Variants in CCNF observed in about 807,000 individuals in gnomAD.
The protein encoded by CCNF is cyclin F, also known as cyclin-F.
In CCNF, 30 loss-of-function variants were observed where a neutral mutation model predicts 85.4. The ratio of observed to expected loss-of-function variants is 0.35; its 90% CI spans 0.26 to 0.48. The LOEUF is 0.48. CCNF is among the 20% of genes least tolerant of loss of function. The pLI is 0.99. For synonymous variants in CCNF, 439 were observed against 425.1 expected (o/e 1.03, Z -0.40); for missense variants, 919 against 1,010.4 (o/e 0.91, Z 1.23).
In CCNF at chr16:2,456,766, T is replaced by C; in HGVS notation, c.2107T>C (p.Ser703Pro). The C allele has an allele frequency of 6.2e-7, 1 of 1,613,136 alleles. No homozygotes were observed. The highest frequency in any genetic ancestry group is 8.5e-7 in the Non-Finnish European group (1 of 1,179,516). Residue 703 changes from serine (S) to proline (P), a missense_variant, in exon 17 of 17, where the codon TCC (serine) becomes CCC (proline). Ser to Pro is a moderately conservative substitution (Grantham distance 74, BLOSUM62 -1). Transcript: ENST00000397066. The surrounding 1 kb of genome is among the most constrained non-coding windows in gnomAD (Gnocchi z 4.5). ...PGKDVTTSGY[S>P]SVSTASPTSS... is the part of the protein sequence containing the mutation. ...GAAGGACGTCACGACCTCAGGGTAC[T>C]CCTCCGTCAGCACCGCAAGTCCCAC...
chr16:2,442,864 TTA>T (rs1336638347), intron 8 of CCNF, among the ~76,000 whole-genome samples: 6 of 42,728 alleles, frequency 1.4e-4, no homozygotes, highest in South Asian at 8.1e-4. Context: ...ATATATTATA[TTA>T]TATATATTAT....
intron 6 of CCNF, among the ~76,000 whole-genome samples, chr16:2,438,849 T>C (rs1157427869): frequency 1.3e-5 from 2 of 151,158 alleles, no homozygotes; most frequent in African/African-American, 2.4e-5. Flanking sequence ...AACACAAAAA[T>C]TAGCCGGGCA....
chr16:2,455,160 G>T (rs1326002017), intron 15 of CCNF, among the ~76,000 whole-genome samples: 1 of 152,234 alleles, frequency 6.6e-6, no homozygotes, highest in Admixed American at 6.5e-5. Context: ...AGCCGGGTGG[G>T]CTGGGCTTCA....
chr16:2,432,019 T>C (rs1032274530), intron 2 of CCNF, among the ~76,000 whole-genome samples: 3 of 151,644 alleles, frequency 2.0e-5, no homozygotes, highest in South Asian at 4.2e-4. Flanking sequence ...TTTAGTAGAG[T>C]TGGGGTTTCA....
Position 2,456,698 on chromosome 16 carries a change from C to A in CCNF, c.2039C>A (p.Thr680Asn), listed in dbSNP as rs780649554. Residue 680 changes from threonine (T) to asparagine (N), a missense_variant, in exon 17 of 17, where the codon ACC becomes AAC. By Grantham distance (65) the Thr-to-Asn change is moderately conservative (BLOSUM62 0). Coordinates refer to ENST00000397066, the MANE Select transcript of CCNF (RefSeq NM_001761.3). This position sits in a 1 kb window ranked among gnomAD's most constrained non-coding sequence, Gnocchi z 4.5. ...ALALDTQIPA[T>N]PGPKPLVRTS... Reference sequence around the variant, plus strand: ...GCGCTGGACACCCAGATCCCTGCAACCCCTGGACCCAAACCCCTGGTCCGC... The same window carrying A: ...GCGCTGGACACCCAGATCCCTGCAAACCCTGGACCCAAACCCCTGGTCCGC... 5.0e-6 allele frequency: 8 copies of A among 1,613,336 alleles called. No individual in the cohort carries two copies. The highest frequency in any genetic ancestry group is 6.8e-6 in the Non-Finnish European group (8 of 1,179,818).
chr16:2,440,235 G>A (rs960979645), intron 8 of CCNF, among the ~76,000 whole-genome samples: 20 of 152,124 alleles, frequency 1.3e-4, no homozygotes, highest in Non-Finnish European at 1.2e-4. Context: ...TCCTGTTAGC[G>A]CCTTGCTTGT....
intron 3 of CCNF, among the ~76,000 whole-genome samples, chr16:2,434,405 GA>G (rs1209995254): frequency 6.6e-6 from 1 of 152,214 alleles, no homozygotes; most frequent in Non-Finnish European, 1.5e-5. Context: ...ACGAGGTCAA[GA>G]GTTTGAGACC....
At position 2,449,060 on chromosome 16, in the gene CCNF, G is replaced by A. The variant is rs927957753; in HGVS notation, c.1218+82G>A. The A allele has an allele frequency of 2.6e-6, 4 of 1,555,200 alleles. No homozygotes were observed. The African/African-American group carries it at 5.4e-5, about 21-fold the overall frequency. On this transcript the variant is annotated intron_variant, in intron 11 of 16. Coordinates refer to ENST00000397066, the MANE Select transcript of CCNF (RefSeq NM_001761.3). ...GGGGTGGGCATTCAGCTTTCCTGCT[G>A]TGGGAGGGCCTCATGGACTCAGAGA...
chr16:2,449,462 A>G lies in CCNF; in HGVS notation c.1399A>G (p.Thr467Ala), dbSNP rs369144402. ...CCTGGCCAGACTGACGCACGGGCAG[A>G]GTAAGGAGTGGCCCTTCCCAGGGAT... ...LLLARLTHGQ[T>A]QPWTTQLWDL... Residue 467 changes from threonine to alanine, a missense_variant and splice_region_variant, in exon 12 of 17, where the codon ACA becomes GCA. Thr to Ala is a moderately conservative substitution (Grantham distance 58). This residue lies in a region of CCNF where 505 missense variants were observed against 514.8 expected (regional missense o/e 0.98). Coordinates refer to ENST00000397066, the MANE Select transcript of CCNF (RefSeq NM_001761.3). 5.4e-5 allele frequency: 86 copies of G among 1,601,480 alleles called. No individual in the cohort carries two copies. Among genetic ancestry groups the G allele is most frequent in the Non-Finnish European group, 7.1e-5 (84 of 1,178,280 alleles).
chr16:2,439,017 G>A (rs1266727154), intron 6 of CCNF, among the ~76,000 whole-genome samples: 1 of 151,940 alleles, frequency 6.6e-6, no homozygotes, highest in Non-Finnish European at 1.5e-5. Context: ...AAAAAAACCA[G>A]CCAGGCACAG....
chr16:2,444,869 T>C (rs1386375446), intron 9 of CCNF, among the ~76,000 whole-genome samples: 1 of 150,854 alleles, frequency 6.6e-6, no homozygotes, highest in East Asian at 2.0e-4. Flanking sequence ...AGTGCAGTGA[T>C]CTTTTTTAAG....
rs565742076 is a variant in CCNF at position 2,452,292 on chromosome 16, G to A, written c.1488-918G>A. ...CACCATGCTGTGCTCCAGCCACAGG[G>A]GACCTGGTGGCATCTCCCGGGCTTT... On this transcript the variant is annotated intron_variant, in intron 13 of 16. Coordinates refer to ENST00000397066, the MANE Select transcript of CCNF (RefSeq NM_001761.3). This position sits in a 1 kb window ranked among gnomAD's most constrained non-coding sequence, Gnocchi z 4.1. 4.3e-4 allele frequency among the ~76,000 whole-genome samples: 66 copies of A among 152,282 alleles called. No homozygotes were observed. The highest frequency in any genetic ancestry group is 9.4e-4 in the African/African-American group (39 of 41,544).
At position 2,435,815 on chromosome 16, in the gene CCNF, AAAGGGG is replaced by A; in HGVS notation, c.291_296del (p.Lys97_Gly98del). Reference sequence around the variant, plus strand: ...GTTCTTAATGTTTCAGGGCTGCTGAAAAGGGGAATTTCGAAGCTGCTGTGAAGCTGG... The same window carrying A: ...GTTCTTAATGTTTCAGGGCTGCTGAAAATTTCGAAGCTGCTGTGAAGCTGG... On this transcript the variant is annotated inframe_deletion, in exon 4 of 17. Coordinates refer to ENST00000397066, the MANE Select transcript of CCNF (RefSeq NM_001761.3). 1 of 1,613,684 alleles carries A rather than the reference AAAGGGG, an allele frequency of 6.2e-7. No homozygotes were observed. The highest frequency in any genetic ancestry group is 1.1e-5 in the South Asian group (1 of 91,060).
rs147731099 is a variant in CCNF, at chr16:2,456,791, C to G, written c.2132C>G (p.Thr711Arg). 7.4e-6 allele frequency: 12 copies of G among 1,613,702 alleles called. No homozygotes were observed. Among genetic ancestry groups the G allele is most frequent in the African/African-American group, 1.3e-5 (1 of 74,946 alleles). Residue 711 changes from threonine to arginine, a missense_variant, in exon 17 of 17, where the codon ACA becomes AGA. Transcript: ENST00000397066. This position sits in a 1 kb window ranked among gnomAD's most constrained non-coding sequence, Gnocchi z 4.5. ...TCCTCCGTCAGCACCGCAAGTCCCACAAGCTCCGTGGACGGTGGCTTGGGG... is the reference window on the plus strand; with the variant it reads ...TCCTCCGTCAGCACCGCAAGTCCCAGAAGCTCCGTGGACGGTGGCTTGGGG... Reference protein sequence around the residue: ...GYSSVSTASPTSSVDGGLGAL... With the variant: ...GYSSVSTASPRSSVDGGLGAL...
intron 3 of CCNF, among the ~76,000 whole-genome samples, chr16:2,435,250 AAAAAAAAAAAAGAAAAG>A (rs1402046118): frequency 2.2e-5 from 2 of 89,134 alleles, no homozygotes; most frequent in African/African-American, 6.7e-5. Context: ...ACTCCGTCTC[AAAAAAAAAAAAGAAAAG>A]AAAAGAAAAA....
In CCNF at chr16:2,449,874, T is replaced by C. The variant is rs1596928314; in HGVS notation, c.1446T>C (p.Tyr482=). The part of the protein sequence containing the change: ...TQLWDLTGFS[Y]EDLIPCVLSL... ...TGTGGGACCTCACCGGATTCTCCTA[T>C]GAAGACCTCATTCCCTGCGTCTTGA... The change falls in exon 13 of 17, where the codon TAT becomes TAC. Residue 482 remains tyrosine, a synonymous_variant. Transcript: ENST00000397066. The C allele has an allele frequency of 6.2e-7, 1 of 1,601,986 alleles. No individual in the cohort carries two copies. Among genetic ancestry groups the C allele is most frequent in the Non-Finnish European group, 8.5e-7 (1 of 1,174,014 alleles).
intron 3 of CCNF, among the ~76,000 whole-genome samples, chr16:2,433,907 A>G (rs1468048768): frequency 6.6e-6 from 1 of 152,228 alleles, no homozygotes; most frequent in African/African-American, 2.4e-5. Context: ...ACAGCCAACC[A>G]GGGCAGGCAG....
rs538384129 is a variant in CCNF at position 2,451,671 on chromosome 16, C to A, written c.1488-1539C>A. On this transcript the variant is annotated intron_variant, in intron 13 of 16. Transcript: ENST00000397066. This position sits in a 1 kb window ranked among gnomAD's most constrained non-coding sequence, Gnocchi z 4.3. ...GCTCAAGGGATTCTTTTGTGTCAGCCTCCCGAGTAGCAGAAACCACAGGCA... is the reference window on the plus strand; with the variant it reads ...GCTCAAGGGATTCTTTTGTGTCAGCATCCCGAGTAGCAGAAACCACAGGCA... Among the ~76,000 whole-genome samples, 1 of 152,314 alleles carries A rather than the reference C, an allele frequency of 6.6e-6. No homozygotes were observed. The highest frequency in any genetic ancestry group is 2.1e-4 in the South Asian group (1 of 4,824).
In CCNF at chr16:2,429,490, C is replaced by T. The variant is rs1472073974; in HGVS notation, c.9C>T (p.Ser3=). MG[S]GGVVHCRCAK... Reference sequence around the variant, plus strand: ...GCGACGCGAGCGCGGCGATGGGGAGCGGCGGCGGTGAGTGCGGGGCGATGT... The same window carrying T: ...GCGACGCGAGCGCGGCGATGGGGAGTGGCGGCGGTGAGTGCGGGGCGATGT... The change falls in exon 1 of 17, where the codon AGC becomes AGT. Residue 3 remains serine, a synonymous_variant. Transcript: ENST00000397066. The T allele has an allele frequency of 4.9e-6, 6 of 1,231,028 alleles. No homozygotes were observed. The African/African-American group carries it at 6.2e-5, about 13-fold the overall frequency. The allele number at this position is 1,231,028 out of a possible 1,614,324, so 76.3% of individuals were successfully genotyped here.
Sources: allele counts gnomAD v4.1 joint callset (sites outside exome capture counted in the v4.1 genomes callset), GRCh38; gene constraint gnomAD v4.1.1; regional missense constraint gnomAD v4.1.1; non-coding constraint Gnocchi (gnomAD v3.1); transcripts MANE v1.5; gene names NCBI Gene and HGNC (gene_info 2026-07-23, HGNC 2026-07-21).